The following HECW1 variants were observed in gnomAD, a reference collection of about 807,000 sequenced individuals.
HECW1 encodes the protein HECT, C2 and WW domain containing E3 ubiquitin protein ligase 1.
In HECW1, 61 loss-of-function variants were observed where a neutral mutation model predicts 182.3. The ratio of observed to expected loss-of-function variants is 0.33; its 90% CI spans 0.27 to 0.41. The LOEUF (loss-of-function observed/expected upper bound fraction) is 0.41. Ranked by LOEUF, HECW1 falls within the 10% of genes least tolerant of loss-of-function variation. The pLI is 1.00. For missense variants in HECW1, 1,739 were observed against 2,108.9 expected, an observed-to-expected ratio of 0.82 and a Z score of 3.44; for synonymous variants, 859 against 832.6, an observed-to-expected ratio of 1.03 and a Z score of -0.55.
rs1426249018 is a variant in HECW1, at chr7:43,479,761, C to T, written c.3234+17C>T. 6.2e-7 allele frequency: 1 copy of T among 1,613,562 alleles called. No homozygotes were observed. Among genetic ancestry groups the T allele is most frequent in the Non-Finnish European group, 8.5e-7 (1 of 1,179,690 alleles). ...GCTGGAGAGGTAACCCTCCCTACAC[C>T]CCGCCCTACTGTTCACCGGTCACAG... On this transcript the variant is annotated intron_variant, in intron 17 of 29. Transcript: ENST00000395891.
At chr7:43,307,018 T>A (rs1175364508) in intron 3 of HECW1, among the ~76,000 whole-genome samples, 1 of 152,176 alleles carries the variant, frequency 6.6e-6, no homozygotes, top group Non-Finnish European at 1.5e-5. Context: ...TCATTTAAGT[T>A]GGAAAGCAAA....
chr7:43,486,062 T>A (rs767845181), intron 17 of HECW1, among the ~76,000 whole-genome samples: 13 of 150,932 alleles, frequency 8.6e-5, no homozygotes, highest in Non-Finnish European at 1.8e-4. Context: ...CCTGTGTCCA[T>A]GTGTTCTCAT....
At position 43,444,671 on chromosome 7, in the gene HECW1, A is replaced by G; in HGVS notation, c.1499A>G (p.Glu500Gly). The change falls in exon 11 of 30, where the codon GAA becomes GGA. Residue 500 changes from glutamate to glycine, a missense_variant. Around this residue, in one of 5 missense-constraint regions of HECW1, gnomAD observed 971 missense variants for 1,029.1 expected, o/e 0.94. Transcript: ENST00000395891. This position sits in a 1 kb window ranked among gnomAD's most constrained non-coding sequence, Gnocchi z 4.3. ...EATTQSRAGR[E>G]EEEKEQEEEG... ...ACGACCCAGAGCCGGGCTGGAAGGG[A>G]AGAAGAGGAGAAGGAGCAGGAGGAG... The G allele has an allele frequency of 6.2e-7, 1 of 1,606,040 alleles. No homozygotes were observed. The highest frequency in any genetic ancestry group is 8.5e-7 in the Non-Finnish European group (1 of 1,176,108).
At chr7:43,353,664 A>G (rs1814738512) in intron 5 of HECW1, among the ~76,000 whole-genome samples, 2 of 152,182 alleles carry the variant, frequency 1.3e-5, no homozygotes, top group Non-Finnish European at 2.9e-5. Context: ...CACCAAGTGC[A>G]TGGAAAATTT....
intron 4 of HECW1, among the ~76,000 whole-genome samples, chr7:43,320,165 G>T (rs898317737): frequency 6.6e-6 from 1 of 152,206 alleles, no homozygotes; most frequent in Non-Finnish European, 1.5e-5. Flanking sequence ...ATAGGATGGT[G>T]GTGATGCCCA....
chr7:43,309,175 T>C (rs548935210), intron 3 of HECW1, among the ~76,000 whole-genome samples: 1 of 151,964 alleles, frequency 6.6e-6, no homozygotes, highest in East Asian at 1.9e-4. Flanking sequence ...GTTCCACTCT[T>C]GGGAATGGGA....
intron 2 of HECW1, among the ~76,000 whole-genome samples, chr7:43,180,616 C>T (rs938018169): frequency 2.0e-5 from 3 of 152,084 alleles, no homozygotes; most frequent in African/African-American, 2.4e-5. Context: ...AGGATGGTCT[C>T]GACCTCCTGA....
intron 2 of HECW1, among the ~76,000 whole-genome samples, chr7:43,219,931 G>A (rs1167709341): frequency 6.6e-6 from 1 of 152,192 alleles, no homozygotes; most frequent in Admixed American, 6.5e-5. Context: ...GTCTCAGTCA[G>A]CTGGGCCAGC....
Position 43,114,147 on chromosome 7 carries a change from C to G in HECW1, c.-266-10C>G. Reference sequence around the variant, plus strand: ...TTCTCCCCTTGTTTTCCCCCCTTCTCTTTGAAAAGATATCAATGCTATGTT... The same window carrying G: ...TTCTCCCCTTGTTTTCCCCCCTTCTGTTTGAAAAGATATCAATGCTATGTT... On this transcript the variant is annotated splice_polypyrimidine_tract_variant and intron_variant, in intron 1 of 29. Transcript: ENST00000395891. 1.0e-6 allele frequency: 1 copy of G among 953,202 alleles called. No homozygotes were observed. The highest frequency in any genetic ancestry group is 3.3e-5 in the Admixed American group (1 of 30,286). 59.0% of individuals were successfully genotyped at this position (953,202 alleles called of 1,614,324 possible).
chr7:43,201,553 A>G (rs139893971), intron 2 of HECW1, among the ~76,000 whole-genome samples: 72 of 152,368 alleles, frequency 4.7e-4, no homozygotes, highest in Middle Eastern at 6.8e-3. Flanking sequence ...GCCAGTGTTC[A>G]TTCATCTTTA....
intron 2 of HECW1, among the ~76,000 whole-genome samples, chr7:43,189,466 G>A (rs1172913964): frequency 1.3e-5 from 2 of 152,136 alleles, no homozygotes; most frequent in Non-Finnish European, 2.9e-5. Context: ...AAGAGATTGT[G>A]TGCAGGTCGC....
At chr7:43,290,042 G>C (rs1291743543) in intron 3 of HECW1, among the ~76,000 whole-genome samples, 2 of 152,208 alleles carry the variant, frequency 1.3e-5, no homozygotes, top group South Asian at 2.1e-4. Flanking sequence ...TCGGTAGAAG[G>C]CTTCAGAAAG....
intron 5 of HECW1, among the ~76,000 whole-genome samples, chr7:43,335,938 C>A (rs1275603589): frequency 2.1e-5 from 3 of 145,616 alleles, no homozygotes; most frequent in African/African-American, 7.7e-5. Context: ...CTTTCTTTTT[C>A]TTTCTTTCTT....
At chr7:43,294,155 C>T (rs1167014974) in intron 3 of HECW1, among the ~76,000 whole-genome samples, 1 of 152,236 alleles carries the variant, frequency 6.6e-6, no homozygotes, top group Non-Finnish European at 1.5e-5. Flanking sequence ...GGAAACCTCT[C>T]AGTGAAATGC....
chr7:43,116,383 C>T (rs1408773391), intron 2 of HECW1, among the ~76,000 whole-genome samples: 1 of 152,204 alleles, frequency 6.6e-6, no homozygotes, highest in African/African-American at 2.4e-5. Context: ...CCCTTCTGCC[C>T]ACTTTCTCTC....
chr7:43,122,842 CACATA>C (rs992185954), intron 2 of HECW1, among the ~76,000 whole-genome samples: 1 of 152,154 alleles, frequency 6.6e-6, no homozygotes, highest in African/African-American at 2.4e-5. Flanking sequence ...AAACTACATA[CACATA>C]ACATATATAA....
intron 24 of HECW1, among the ~76,000 whole-genome samples, chr7:43,530,003 G>A (rs531648740): frequency 8.0e-4 from 121 of 151,566 alleles, no homozygotes; most frequent in Middle Eastern, 3.5e-3. Flanking sequence ...ATGCTGGAGT[G>A]CAGTGGTGCA....
At chr7:43,485,581 C>A (rs543598437) in intron 17 of HECW1, among the ~76,000 whole-genome samples, 1 of 152,274 alleles carries the variant, frequency 6.6e-6, no homozygotes, top group South Asian at 2.1e-4. Context: ...GGCTCCCAGG[C>A]TGCAAACCTG....
chr7:43,423,712 T>A (rs2076268335), intron 8 of HECW1, among the ~76,000 whole-genome samples: 1 of 152,190 alleles, frequency 6.6e-6, no homozygotes, highest in Non-Finnish European at 1.5e-5. Context: ...TGACAGCTCA[T>A]GTGCAACTCT....
Sources: allele counts gnomAD v4.1 joint callset (sites outside exome capture counted in the v4.1 genomes callset), GRCh38; gene constraint gnomAD v4.1.1; regional missense constraint gnomAD v4.1.1; non-coding constraint Gnocchi (gnomAD v3.1); transcripts MANE v1.5; gene names NCBI Gene and HGNC (gene_info 2026-07-23, HGNC 2026-07-21).